Variants in TBC1D22A observed in about 807,000 individuals in gnomAD.
TBC1D22A encodes the protein TBC1 domain family member 22A.
In TBC1D22A, 38 loss-of-function variants were observed where a neutral mutation model predicts 60.2. That is an observed-to-expected ratio of 0.63 (90% CI 0.49 to 0.83). The LOEUF is 0.83. TBC1D22A is among the 40% of genes least tolerant of loss of function. TBC1D22A has a pLI of 0.00. For missense variants in TBC1D22A, 628 were observed against 701.0 expected (o/e 0.90, Z 1.18); for synonymous variants, 302 against 281.7 (o/e 1.07, Z -0.72).
intron 4 of TBC1D22A, among the ~76,000 whole-genome samples, chr22:46,853,412 T>C (rs2087392984): frequency 6.6e-6 from 1 of 152,016 alleles, no homozygotes; most frequent in African/African-American, 2.4e-5. Flanking sequence ...TCTTGAACAT[T>C]TGAAAAAAAT....
chr22:46,915,895 G>A (rs1217281583), intron 8 of TBC1D22A: 1 of 450,856 alleles, frequency 2.2e-6, no homozygotes, highest in South Asian at 1.6e-5. Context: ...GGCTGTCAGT[G>A]GGAGGTTCCA....
intron 12 of TBC1D22A, among the ~76,000 whole-genome samples, chr22:47,121,660 A>G (rs1018751636): frequency 1.3e-5 from 2 of 152,170 alleles, no homozygotes; most frequent in African/African-American, 4.8e-5. Flanking sequence ...TGCTAGCCTG[A>G]CTTAGTTTTC....
At chr22:46,830,934 C>T (rs192155242) in intron 4 of TBC1D22A, among the ~76,000 whole-genome samples, 5 of 151,832 alleles carry the variant, frequency 3.3e-5, no homozygotes, top group East Asian at 3.9e-4. Context: ...GAGGTATCTC[C>T]GAGGAAGATG....
In TBC1D22A at chr22:46,944,673, T is replaced by C. The variant is rs188190716; in HGVS notation, c.1016-29617T>C. Among the ~76,000 whole-genome samples, 244 of 152,324 alleles carry C rather than the reference T, an allele frequency of 1.6e-3. 1 individual carries two copies. The highest frequency in any genetic ancestry group is 3.4e-3 in the Admixed American group (52 of 15,302). ...TTGGCCTCCCAAAGTGCTGGGATTA[T>C]AGGCGTGAGCCACCGTGCCCAGCCT... is the stretch of plus-strand genomic sequence containing the variant. On this transcript the variant is annotated intron_variant, in intron 8 of 12. Coordinates refer to ENST00000337137, the MANE Select transcript of TBC1D22A (RefSeq NM_014346.5).
chr22:46,866,465 A>T (rs145175637), intron 4 of TBC1D22A, among the ~76,000 whole-genome samples: 509 of 152,340 alleles, frequency 3.3e-3, no homozygotes, highest in African/African-American at 0.012. Context: ...CACACTGAAC[A>T]TCCACTTAAT....
At chr22:47,054,807 G>A (rs1194913886) in intron 11 of TBC1D22A, among the ~76,000 whole-genome samples, 1 of 152,198 alleles carries the variant, frequency 6.6e-6, no homozygotes, top group African/African-American at 2.4e-5. Context: ...AGGGCGAGGG[G>A]CTCATCCAGT....
At chr22:46,896,705 T>C (rs1004100276) in intron 7 of TBC1D22A, among the ~76,000 whole-genome samples, 1 of 152,178 alleles carries the variant, frequency 6.6e-6, no homozygotes, top group Admixed American at 6.5e-5. Flanking sequence ...TCCCTTCATA[T>C]CGCACCCCGC....
intron 4 of TBC1D22A, among the ~76,000 whole-genome samples, chr22:46,816,985 G>A (rs564752522): frequency 3.5e-3 from 536 of 152,182 alleles, no homozygotes; most frequent in South Asian, 6.0e-3. Flanking sequence ...GCTGATGTTC[G>A]AACATTAAAG....
At chr22:46,779,985 G>A (rs1363459070) in intron 1 of TBC1D22A, among the ~76,000 whole-genome samples, 1 of 152,202 alleles carries the variant, frequency 6.6e-6, no homozygotes, top group Non-Finnish European at 1.5e-5. Flanking sequence ...TGGACGGAGG[G>A]GATGGTGGAA....
chr22:46,943,080 T>A (rs533357486), intron 8 of TBC1D22A, among the ~76,000 whole-genome samples: 1 of 152,182 alleles, frequency 6.6e-6, no homozygotes, highest in African/African-American at 2.4e-5. Flanking sequence ...GCCAGAGGAC[T>A]TCCGCAGGTG....
At position 47,131,831 on chromosome 22, in the gene TBC1D22A, C is replaced by T. The variant is rs573734048; in HGVS notation, c.1425+20228C>T. The stretch of plus-strand genomic sequence containing the variant: ...CTTGAGAGCGATCCCACATGGGAGC[C>T]AGAAGTGAGTGCACAGTCCCGGGGC... On this transcript the variant is annotated intron_variant, in intron 12 of 12. Transcript: ENST00000337137. 2.6e-5 allele frequency among the ~76,000 whole-genome samples: 4 copies of T among 152,322 alleles called. No homozygotes were observed. The East Asian group carries it at 7.7e-4, about 29-fold the overall frequency.
At chr22:47,032,894 C>T (rs117645762) in intron 10 of TBC1D22A, among the ~76,000 whole-genome samples, 3 of 152,220 alleles carry the variant, frequency 2.0e-5, no homozygotes, top group Admixed American at 6.5e-5. Flanking sequence ...TGCCCTGGAA[C>T]GTTCCTTTCA....
At chr22:46,826,579 C>G (rs988467822) in intron 4 of TBC1D22A, among the ~76,000 whole-genome samples, 1 of 152,048 alleles carries the variant, frequency 6.6e-6, no homozygotes, top group African/African-American at 2.4e-5. Context: ...CTTTTCGTGT[C>G]CTGGTGTCCT....
intron 11 of TBC1D22A, among the ~76,000 whole-genome samples, chr22:47,067,654 A>G (rs893497822): frequency 4.6e-5 from 7 of 152,208 alleles, no homozygotes; most frequent in Non-Finnish European, 1.0e-4. Flanking sequence ...AGGTGGTGTC[A>G]GGGATCAGAA....
At chr22:46,868,963 G>T (rs939912042) in intron 4 of TBC1D22A, among the ~76,000 whole-genome samples, 1 of 152,158 alleles carries the variant, frequency 6.6e-6, no homozygotes, top group Non-Finnish European at 1.5e-5. Context: ...CCTGTGTTCT[G>T]CTCCAACACA....
intron 8 of TBC1D22A, among the ~76,000 whole-genome samples, chr22:46,944,877 T>C (rs566622931): frequency 6.6e-6 from 1 of 152,366 alleles, no homozygotes; most frequent in African/African-American, 2.4e-5. Context: ...TGTGAAAATT[T>C]GATTTATTTT....
intron 10 of TBC1D22A, among the ~76,000 whole-genome samples, chr22:47,004,479 C>G (rs2061516197): frequency 6.6e-6 from 1 of 151,026 alleles, no homozygotes; most frequent in South Asian, 2.1e-4. Context: ...CACATACACA[C>G]CCTGCACACA....
intron 8 of TBC1D22A, among the ~76,000 whole-genome samples, chr22:46,951,423 T>C (rs984396778): frequency 3.3e-5 from 5 of 152,234 alleles, no homozygotes; most frequent in East Asian, 1.9e-4. Context: ...TCATGTGTTA[T>C]GCATTTTCAA....
intron 4 of TBC1D22A, among the ~76,000 whole-genome samples, chr22:46,850,961 G>A (rs933702767): frequency 9.2e-5 from 14 of 152,186 alleles, no homozygotes; most frequent in Admixed American, 8.5e-4. Flanking sequence ...TATGAAATGT[G>A]CAAAATAGGC....
Sources: gnomAD v4.1 joint callset for allele counts (sites outside exome capture counted in the v4.1 genomes callset) on GRCh38, gnomAD v4.1.1 for gene constraint, MANE v1.5 for transcripts, NCBI Gene and HGNC (gene_info 2026-07-23, HGNC 2026-07-21) for gene names.